Variants in MRE11 observed in about 807,000 individuals in gnomAD.
MRE11 encodes MRE11 double strand break repair nuclease, also known as double-strand break repair protein MRE11.
A neutral mutation model predicts 91.7 loss-of-function variants in MRE11; 62 were observed. The ratio of observed to expected loss-of-function variants is 0.68; its 90% CI spans 0.55 to 0.84. The LOEUF (loss-of-function observed/expected upper bound fraction) is 0.84. Among genes scored for constraint, MRE11 ranks in the 40% least tolerant of loss-of-function variants. MRE11 has a pLI of 0.00. For synonymous variants in MRE11, 273 were observed against 271.4 expected, an observed-to-expected ratio of 1.01 and a Z score of -0.06; for missense variants, 796 against 852.9, an observed-to-expected ratio of 0.93 and a Z score of 0.83.
intron 9 of MRE11, among the ~76,000 whole-genome samples, chr11:94,468,753 T>C (rs910800784): frequency 6.6e-6 from 1 of 152,202 alleles, no homozygotes; most frequent in African/African-American, 2.4e-5. Context: ...GCCAAAACCA[T>C]ATGTGGATAT....
chr11:94,470,704 C>T (rs898681521), intron 8 of MRE11, 62 bp from the exon 9 acceptor site: 16 of 1,503,756 alleles, frequency 1.1e-5, no homozygotes, highest in South Asian at 2.3e-5. Flanking sequence ...GATGTGCAAA[C>T]GAAAGCTTTC....
chr11:94,446,368 T>C (rs899193677), intron 15 of MRE11, among the ~76,000 whole-genome samples: 2 of 152,032 alleles, frequency 1.3e-5, no homozygotes, highest in East Asian at 1.9e-4. Flanking sequence ...AATCGCACCA[T>C]TGCACTCCAG....
At chr11:94,484,254 T>C (rs1185915064) in intron 4 of MRE11, among the ~76,000 whole-genome samples, 1 of 152,054 alleles carries the variant, frequency 6.6e-6, no homozygotes, top group African/African-American at 2.4e-5. Flanking sequence ...AATAAACAAA[T>C]GTGGGACAAG....
chr11:94,469,729 C>A (rs890986744), intron 9 of MRE11, among the ~76,000 whole-genome samples: 2 of 152,092 alleles, frequency 1.3e-5, no homozygotes, highest in Non-Finnish European at 2.9e-5. Flanking sequence ...AGATTAAATG[C>A]TGTCAACAGT....
rs876659934 is a variant in MRE11, at chr11:94,467,837, T to C, written c.1074A>G (p.Pro358=). Residue 358 remains proline (P), a synonymous_variant, in exon 10 of 20, where the codon CCA becomes CCG. Coordinates refer to ENST00000323929, the MANE Select transcript of MRE11 (RefSeq NM_005591.4). ...ERERLGNSHQ[P]EKPLVRLRVD... ...CTCGCAGTCGTACAAGAGGCTTCTC[T>C]GGCTGGTGAGAATTACCCAGACGTT... The C allele has an allele frequency of 5.6e-6, 9 of 1,613,506 alleles. No individual in the cohort carries two copies. The highest frequency in any genetic ancestry group is 7.6e-6 in the Non-Finnish European group (9 of 1,179,708).
intron 3 of MRE11, 82 bp downstream of exon 3, chr11:94,490,751 C>A: frequency 6.5e-7 from 1 of 1,539,646 alleles, no homozygotes; most frequent in South Asian, 1.1e-5. Flanking sequence ...GCTTATAAAA[C>A]AAATCTCTAA....
chr11:94,446,743 A>T (rs1945942518), intron 15 of MRE11, among the ~76,000 whole-genome samples: 1 of 152,234 alleles, frequency 6.6e-6, no homozygotes, highest in South Asian at 2.1e-4. Flanking sequence ...ATTGGGGGGC[A>T]GTTTTCTTTC....
intron 18 of MRE11, among the ~76,000 whole-genome samples, chr11:94,431,105 A>G (rs1212073003): frequency 6.6e-6 from 1 of 152,228 alleles, no homozygotes; most frequent in African/African-American, 2.4e-5. Context: ...TTTTATTAAC[A>G]TGCTTTGGGA....
chr11:94,467,004 C>T (rs1946582177), intron 10 of MRE11, among the ~76,000 whole-genome samples: 1 of 152,092 alleles, frequency 6.6e-6, no homozygotes, highest in East Asian at 1.9e-4. Flanking sequence ...TCAGAGAATG[C>T]CCAAGAGTAA....
chr11:94,494,222 G>C (rs1354898880), upstream of MRE11: 3 of 152,212 alleles, frequency 2.0e-5, no homozygotes, highest in Admixed American at 2.0e-4. Flanking sequence ...GCCGCAGGCG[G>C]AGCTCACGGG....
chr11:94,509,687 G>A, the MRE11 span, among the ~76,000 whole-genome samples: 2 of 152,004 alleles, frequency 1.3e-5, no homozygotes, highest in Non-Finnish European at 1.5e-5. Context: ...TGATCCACTC[G>A]CCTCAGCCTC....
chr11:94,424,639 T>G (rs1298633338), intron 19 of MRE11, among the ~76,000 whole-genome samples: 1 of 152,218 alleles, frequency 6.6e-6, no homozygotes, highest in Non-Finnish European at 1.5e-5. Context: ...AATAGCCATT[T>G]TAAGAAAGAA....
chr11:94,481,674 G>A (rs1002344371), intron 4 of MRE11, among the ~76,000 whole-genome samples: 4 of 152,070 alleles, frequency 2.6e-5, no homozygotes, highest in East Asian at 1.9e-4. Context: ...ATTGTGAGAT[G>A]GTGACCTTCA....
chr11:94,476,189 C>A, intron 7 of MRE11, 100 bp downstream of exon 7: 1 of 746,672 alleles, frequency 1.3e-6, no homozygotes, highest in Non-Finnish European at 2.4e-6. Flanking sequence ...GCATTGACAA[C>A]CTTGAAAGAT....
rs141742834 is a variant in MRE11 at position 94,453,269 on chromosome 11, G to A, written c.1563+3007C>T. 2.2e-4 allele frequency among the ~76,000 whole-genome samples: 34 copies of A among 152,242 alleles called. No individual in the cohort carries two copies. In the East Asian group the frequency reaches 5.4e-3, roughly 24 times the overall value. On this transcript the variant is annotated intron_variant, in intron 14 of 19. Transcript: ENST00000323929. ...GTTGTTTCCACTTTTCGGCTATTGT[G>A]AATCATGCTGCTACGAACACTGATG... is the stretch of plus-strand genomic sequence containing the variant.
At chr11:94,474,294 C>G (rs1383744476) in intron 7 of MRE11, among the ~76,000 whole-genome samples, 1 of 150,268 alleles carries the variant, frequency 6.7e-6, no homozygotes, top group African/African-American at 2.5e-5. Flanking sequence ...AAAAAGCTAA[C>G]TAAGGTCATG....
At chr11:94,459,624 C>T (rs758266705) in intron 12 of MRE11, 43 bp from the exon 13 acceptor site, 4 of 1,588,004 alleles carry the variant, frequency 2.5e-6, no homozygotes, top group Admixed American at 3.4e-5. Flanking sequence ...GTTTTTATTC[C>T]TTACAAAATA....
At chr11:94,427,970 C>A (rs1945369832) in intron 19 of MRE11, among the ~76,000 whole-genome samples, 1 of 152,158 alleles carries the variant, frequency 6.6e-6, no homozygotes, top group Non-Finnish European at 1.5e-5. Context: ...CTGCCCAGTG[C>A]TACCTACAGA....
At chr11:94,456,627 T>C (rs1946254284) in intron 13 of MRE11, among the ~76,000 whole-genome samples, 1 of 152,192 alleles carries the variant, frequency 6.6e-6, no homozygotes, top group Non-Finnish European at 1.5e-5. Flanking sequence ...TAATACCCTA[T>C]GGGTATTACA....
Sources: allele counts gnomAD v4.1 joint callset (sites outside exome capture counted in the v4.1 genomes callset), GRCh38; gene constraint gnomAD v4.1.1; transcripts MANE v1.5; gene names NCBI Gene and HGNC (gene_info 2026-07-23, HGNC 2026-07-21).